The following THSD4 variants were observed in gnomAD, a reference collection of about 807,000 sequenced individuals.
The protein encoded by THSD4 is thrombospondin type 1 domain containing 4, also known as thrombospondin type-1 domain-containing protein 4.
THSD4 carries 69 observed loss-of-function variants against 119.0 expected under a neutral mutation model. The ratio of observed to expected loss-of-function variants is 0.58; its 90% CI spans 0.48 to 0.71. The LOEUF (loss-of-function observed/expected upper bound fraction) is 0.71. Ranked by LOEUF, THSD4 falls within the 30% of genes least tolerant of loss-of-function variation. The pLI is 0.00. For synonymous variants in THSD4, 524 were observed against 540.4 expected, an observed-to-expected ratio of 0.97 and a Z score of 0.42; for missense variants, 1,393 against 1,391.1, an observed-to-expected ratio of 1.00 and a Z score of -0.02.
chr15:71,587,852 A>G (rs1434386211), intron 7 of THSD4, among the ~76,000 whole-genome samples: 2 of 151,202 alleles, frequency 1.3e-5, no homozygotes, highest in African/African-American at 4.8e-5. Context: ...TTCATTTTAT[A>G]GGTAAAGAAA....
chr15:71,112,653 C>T (rs1235840342), upstream of THSD4, among the ~76,000 whole-genome samples: 2 of 152,280 alleles, frequency 1.3e-5, no homozygotes, highest in Non-Finnish European at 2.9e-5. Context: ...CCTAGGTAAG[C>T]ACAGGCTAGC....
chr15:71,512,884 A>G (rs2048303246), intron 7 of THSD4, among the ~76,000 whole-genome samples: 1 of 151,254 alleles, frequency 6.6e-6, no homozygotes, highest in African/African-American at 2.5e-5. Context: ...CCTGGTCAGG[A>G]CACAGATTTT....
chr15:71,677,491 T>C (rs2051676950), intron 8 of THSD4, among the ~76,000 whole-genome samples: 1 of 152,224 alleles, frequency 6.6e-6, no homozygotes, highest in Non-Finnish European at 1.5e-5. Flanking sequence ...CTGGACTTAC[T>C]TTTGGATTAC....
At chr15:71,615,721 A>T (rs549884355) in intron 7 of THSD4, among the ~76,000 whole-genome samples, 2 of 152,270 alleles carry the variant, frequency 1.3e-5, no homozygotes, top group South Asian at 2.1e-4. Context: ...TGCTCTTCAC[A>T]TGAGAAAGGG....
intron 11 of THSD4, among the ~76,000 whole-genome samples, chr15:71,738,498 C>T (rs1345426609): frequency 6.6e-6 from 1 of 152,118 alleles, no homozygotes; most frequent in Non-Finnish European, 1.5e-5. Flanking sequence ...GCTCAAAGGG[C>T]TTACGAGACC....
At chr15:71,752,977 T>C (rs1355590898) in intron 14 of THSD4, among the ~76,000 whole-genome samples, 1 of 152,234 alleles carries the variant, frequency 6.6e-6, no homozygotes, top group Non-Finnish European at 1.5e-5. Flanking sequence ...TGAGCACCTG[T>C]TACATGCCAG....
At chr15:71,536,991 G>A (rs1461350575) in intron 7 of THSD4, among the ~76,000 whole-genome samples, 2 of 152,154 alleles carry the variant, frequency 1.3e-5, no homozygotes, top group African/African-American at 4.8e-5. Context: ...GATTGGATAG[G>A]AGTTCACTTT....
Position 71,660,571 on chromosome 15 carries a change from G to A in THSD4, c.1194G>A (p.Val398=). ...ACTACTTAGGCTCCGACAAAGTCGT[G>A]GACAAATGTGGGGTGTGTGGAGGAG... ...CDDYLGSDKV[V]DKCGVCGGDN... Residue 398 remains valine (V), a synonymous_variant, in exon 8 of 18, where the codon GTG becomes GTA. Coordinates refer to ENST00000261862, the MANE Select transcript of THSD4 (RefSeq NM_024817.3). 6.2e-7 allele frequency: 1 copy of A among 1,614,152 alleles called. No individual in the cohort carries two copies. Among genetic ancestry groups the A allele is most frequent in the Non-Finnish European group, 8.5e-7 (1 of 1,180,020 alleles).
At chr15:71,432,733 C>G (rs964888204) in intron 7 of THSD4, among the ~76,000 whole-genome samples, 1 of 151,892 alleles carries the variant, frequency 6.6e-6, no homozygotes, top group African/African-American at 2.4e-5. Context: ...CTTTTATAAC[C>G]TCTTAAAGTT....
chr15:71,379,873 A>G (rs2046205590), intron 6 of THSD4, among the ~76,000 whole-genome samples: 1 of 152,092 alleles, frequency 6.6e-6, no homozygotes, highest in African/African-American at 2.4e-5. Context: ...TGAATGATTC[A>G]CAAATGGAGT....
At chr15:71,120,709 G>T (rs967024584) in intron 1 of THSD4, among the ~76,000 whole-genome samples, 1 of 152,128 alleles carries the variant, frequency 6.6e-6, no homozygotes, top group African/African-American at 2.4e-5. Flanking sequence ...CTGGGAGCTC[G>T]TCATGACCTG....
chr15:71,663,213 C>G (rs2051346877), intron 8 of THSD4, among the ~76,000 whole-genome samples: 1 of 151,894 alleles, frequency 6.6e-6, no homozygotes, highest in African/African-American at 2.4e-5. Context: ...AATCGTGCCA[C>G]TGCACTCCAG....
At chr15:71,299,976 A>AAATAT (rs1555462049) in intron 6 of THSD4, among the ~76,000 whole-genome samples, 3 of 48,310 alleles carry the variant, frequency 6.2e-5, no homozygotes, top group East Asian at 9.9e-4. Flanking sequence ...AAAAAAAAAA[A>AAATAT]ATATATATAT....
chr15:71,471,575 G>A (rs1250917298), intron 7 of THSD4, among the ~76,000 whole-genome samples: 1 of 151,632 alleles, frequency 6.6e-6, no homozygotes, highest in African/African-American at 2.4e-5. Context: ...TTTGTCTTTT[G>A]CAATGTGAAA....
chr15:71,757,281 G>A (rs1482369755), intron 14 of THSD4, among the ~76,000 whole-genome samples: 1 of 152,004 alleles, frequency 6.6e-6, no homozygotes, highest in African/African-American at 2.4e-5. Flanking sequence ...TCAGAGACTG[G>A]AACAATTTGC....
chr15:71,583,271 T>G (rs2049593989), intron 7 of THSD4, among the ~76,000 whole-genome samples: 1 of 152,170 alleles, frequency 6.6e-6, no homozygotes, highest in Non-Finnish European at 1.5e-5. Context: ...TCTCTCCGCT[T>G]TCACTTCTCA....
intron 11 of THSD4, among the ~76,000 whole-genome samples, chr15:71,741,725 A>T (rs74022415): frequency 0.066 from 8,415 of 127,982 alleles, 261 homozygotes; most frequent in South Asian, 0.15. Context: ...ACACACACAC[A>T]CACTCGGCAT....
chr15:71,587,801 A>G (rs1306914023), intron 7 of THSD4, among the ~76,000 whole-genome samples: 59 of 63,888 alleles, frequency 9.2e-4, no homozygotes, highest in African/African-American at 2.9e-3. Context: ...AAAAAAAAAG[A>G]AAAAAAAAAA....
At chr15:71,488,416 G>A (rs1383399956) in intron 7 of THSD4, among the ~76,000 whole-genome samples, 1 of 152,180 alleles carries the variant, frequency 6.6e-6, no homozygotes, top group African/African-American at 2.4e-5. Flanking sequence ...GTTGCATGAT[G>A]TTATTGCTCA....
Sources: allele counts gnomAD v4.1 joint callset (sites outside exome capture counted in the v4.1 genomes callset), GRCh38; gene constraint gnomAD v4.1.1; transcripts MANE v1.5; gene names NCBI Gene and HGNC (gene_info 2026-07-23, HGNC 2026-07-21).